The following TAF1 variants were observed in gnomAD, a reference collection of about 807,000 sequenced individuals.
TAF1 encodes the protein TATA-box binding protein associated factor 1.
A neutral mutation model predicts 138.5 loss-of-function variants in TAF1; 2 were observed. The observed-to-expected ratio is 0.01, with a 90% CI of 0.01 to 0.05. The LOEUF (loss-of-function observed/expected upper bound fraction) is 0.05. TAF1 is among the 10% of genes least tolerant of loss of function. The pLI, the probability that TAF1 is intolerant of heterozygous loss-of-function variation, is 1.00. For missense variants in TAF1, 709 were observed against 1,478.0 expected, an observed-to-expected ratio of 0.48 and a Z score of 8.53; for synonymous variants, 437 against 503.2, an observed-to-expected ratio of 0.87 and a Z score of 1.76.
intron 18 of TAF1, among the ~76,000 whole-genome samples, chrX:71,392,089 C>T (rs979563622): frequency 1.8e-5 from 2 of 111,803 alleles, no homozygotes; most frequent in South Asian, 7.4e-4. Context: ...GGTTTAGTGT[C>T]ACTGGAAAAG....
At chrX:71,434,685 A>G (rs1041844267) in intron 32 of TAF1, among the ~76,000 whole-genome samples, 1 of 112,196 alleles carries the variant, frequency 8.9e-6, no homozygotes, top group African/African-American at 3.2e-5. Flanking sequence ...GAGTTATGCC[A>G]TTGTACCTTC....
downstream of TAF1, among the ~76,000 whole-genome samples, chrX:71,470,416 G>A (rs1396158224): frequency 9.1e-6 from 1 of 109,499 alleles, no homozygotes; most frequent in African/African-American, 3.3e-5. Flanking sequence ...GTATACACAT[G>A]TATTATGCGC....
chrX:71,498,044 C>T (rs751448682), intron 13 of TAF1, among the ~76,000 whole-genome samples: 3 of 111,773 alleles, frequency 2.7e-5, no homozygotes, highest in African/African-American at 9.7e-5. Flanking sequence ...TTCAAGAGAT[C>T]TAGAGTAGCC....
At chrX:71,428,383 CTAAAA>C (rs1007349671) in intron 32 of TAF1, among the ~76,000 whole-genome samples, 2 of 111,470 alleles carry the variant, frequency 1.8e-5, no homozygotes, top group African/African-American at 6.5e-5. Context: ...CATTGAGAGA[CTAAAA>C]TAAATTGTTG....
rs183148092 is a variant in TAF1 at position 71,420,633 on chromosome X, T to G, written c.4385-676T>G. 109 of 1,204,089 alleles carry G rather than the reference T, an allele frequency of 9.1e-5. No individual in the cohort carries two copies. The African/African-American group carries it at 1.5e-3, about 17-fold the overall frequency. ...TCCTCCATCTCCCTAACTCGAGCTTTGATAGCTTCCAGCTCCGGATCCTCA... is the reference window on the plus strand; with the variant it reads ...TCCTCCATCTCCCTAACTCGAGCTTGGATAGCTTCCAGCTCCGGATCCTCA... On this transcript the variant is annotated intron_variant, in intron 28 of 37. Coordinates refer to ENST00000423759, the MANE Select transcript of TAF1 (RefSeq NM_004606.5).
intron 9 of TAF1, 135 bp from the exon 10 acceptor site, chrX:71,382,401 G>T (rs1000135678): frequency 2.3e-5 from 20 of 860,005 alleles, no homozygotes; most frequent in Non-Finnish European, 2.9e-5. Context: ...TTACCTGGGG[G>T]GGGGTGGGAT....
chrX:71,478,988 C>T lies in TAF1; in HGVS notation c.1366+18185C>T, dbSNP rs920474758. ...ATATATGCTAGAAAAATTCTTGCACCACCGTACCAGAAGACATGTACAAGA... is the reference window on the plus strand; with the variant it reads ...ATATATGCTAGAAAAATTCTTGCACTACCGTACCAGAAGACATGTACAAGA... On this transcript the variant is annotated intron_variant and NMD_transcript_variant, in intron 13 of 14. Coordinates refer to the TAF1 transcript ENST00000373775. Among the ~76,000 whole-genome samples the T allele has an allele frequency of 3.6e-5, 4 of 112,347 alleles. No homozygotes were observed. The Admixed American group carries it at 3.8e-4, about 11-fold the overall frequency.
chrX:71,454,081 T>C, intron 32 of TAF1, 89 bp from the exon 33 acceptor site: 1 of 829,707 alleles, frequency 1.2e-6, no homozygotes. Flanking sequence ...TTTCTAGGTC[T>C]AGGATAATGG....
At chrX:71,377,528 G>A (rs1005724589) in intron 5 of TAF1, 75 bp from the exon 6 acceptor site, 36 of 1,112,540 alleles carry the variant, frequency 3.2e-5, no homozygotes, top group Non-Finnish European at 4.2e-5. Context: ...TCTCAAGGGA[G>A]TTTTCAGGCC....
At chrX:71,427,542 T>TAATAA (rs1314876781) in intron 32 of TAF1, among the ~76,000 whole-genome samples, 2 of 111,909 alleles carry the variant, frequency 1.8e-5, no homozygotes, top group Non-Finnish European at 3.8e-5. Flanking sequence ...ACCCAGAAGA[T>TAATAA]ACTAATAAAA....
intron 13 of TAF1, among the ~76,000 whole-genome samples, chrX:71,475,305 G>A (rs771635931): frequency 1.8e-5 from 2 of 111,745 alleles, no homozygotes; most frequent in South Asian, 3.7e-4. Context: ...AGCTAGAGGC[G>A]TCAGGCGCAG....
At chrX:71,486,429 G>A (rs2039173206) in intron 13 of TAF1, among the ~76,000 whole-genome samples, 2 of 109,883 alleles carry the variant, frequency 1.8e-5, no homozygotes, top group South Asian at 7.8e-4. Context: ...CCTGGTCATA[G>A]CTCACTGCAG....
chrX:71,459,203 A>G, intron 35 of TAF1: 1 of 1,099,383 alleles, frequency 9.1e-7, no homozygotes, highest in Non-Finnish European at 1.2e-6. Flanking sequence ...TAGATATTGA[A>G]GGGTATGATG....
chrX:71,420,705 C>A (rs1287568850), intron 28 of TAF1, among the ~76,000 whole-genome samples: 2 of 113,222 alleles, frequency 1.8e-5, no homozygotes, highest in African/African-American at 3.2e-5. Context: ...GGCTCCTCCT[C>A]CTCCTCTTGG....
At position 71,464,412 on chromosome X, in the gene TAF1, A is replaced by G. The variant is rs2038676722; in HGVS notation, c.*366A>G. 3.0e-6 allele frequency: 1 copy of G among 338,943 alleles called. No homozygotes were observed. Among genetic ancestry groups the G allele is most frequent in the African/African-American group, 2.7e-5 (1 of 37,363 alleles). 27.9% of individuals were successfully genotyped at this position (338,943 alleles called of 1,213,427 possible). ...TAACTTTATGTCCTCTTGATGTATT[A>G]GGAAATTTCCGGCCAGGCGTGGTGG... On this transcript the variant is annotated 3_prime_UTR_variant, in exon 38 of 38. Transcript: ENST00000423759.
intron 13 of TAF1, among the ~76,000 whole-genome samples, chrX:71,481,800 G>A (rs760712213): frequency 9.0e-6 from 1 of 111,600 alleles, no homozygotes; most frequent in Admixed American, 9.5e-5. Flanking sequence ...CCCATGATCC[G>A]CCTGCCTCGG....
intron 32 of TAF1, among the ~76,000 whole-genome samples, chrX:71,442,030 G>A (rs938205590): frequency 3.6e-5 from 4 of 111,299 alleles, no homozygotes; most frequent in African/African-American, 1.3e-4. Context: ...GTATTCCATG[G>A]TGTATATGTG....
intron 13 of TAF1, among the ~76,000 whole-genome samples, chrX:71,483,780 C>CTCTA (rs1164519184): frequency 8.7e-3 from 326 of 37,560 alleles, no homozygotes; most frequent in South Asian, 0.016. Flanking sequence ...CTCTCTCTCT[C>CTCTA]TATATATATA....
At chrX:71,442,221 G>A (rs2037466245) in intron 32 of TAF1, among the ~76,000 whole-genome samples, 1 of 112,186 alleles carries the variant, frequency 8.9e-6, no homozygotes, top group Non-Finnish European at 1.9e-5. Flanking sequence ...TCTAGTTCTA[G>A]ATCCTTGAGG....
Sources: gnomAD v4.1 joint callset for allele counts (sites outside exome capture counted in the v4.1 genomes callset) on GRCh38, gnomAD v4.1.1 for gene constraint, MANE v1.5 for transcripts, NCBI Gene and HGNC (gene_info 2026-07-23, HGNC 2026-07-21) for gene names.